Variants in ADAMTS3 observed in about 807,000 individuals in gnomAD.
The protein encoded by ADAMTS3 is ADAM metallopeptidase with thrombospondin type 1 motif 3.
A neutral mutation model predicts 129.0 loss-of-function variants in ADAMTS3; 73 were observed. The ratio of observed to expected loss-of-function variants is 0.57; its 90% CI spans 0.47 to 0.69. The LOEUF is 0.69. Among genes scored for constraint, ADAMTS3 ranks in the 30% least tolerant of loss-of-function variants. The pLI is 0.00. For synonymous variants in ADAMTS3, 477 were observed against 510.8 expected (o/e 0.93, Z 0.89); for missense variants, 1,457 against 1,514.5 (o/e 0.96, Z 0.63).
At chr4:72,519,271 T>G (rs1720589229) in intron 3 of ADAMTS3, among the ~76,000 whole-genome samples, 1 of 152,236 alleles carries the variant, frequency 6.6e-6, no homozygotes, top group Non-Finnish European at 1.5e-5. Context: ...GCCCTTAACA[T>G]TTTTTCCTTC....
At chr4:72,520,250 T>A (rs566407988) in intron 3 of ADAMTS3, among the ~76,000 whole-genome samples, 1,543 of 151,422 alleles carry the variant, frequency 0.01, 16 homozygotes, top group South Asian at 0.032. Context: ...CTGCCCCTAC[T>A]GGGGGGTGCC....
intron 3 of ADAMTS3, among the ~76,000 whole-genome samples, chr4:72,533,881 C>T (rs962829123): frequency 1.2e-4 from 18 of 152,090 alleles, no homozygotes; most frequent in African/African-American, 4.3e-4. Context: ...TATATCTCAG[C>T]ATTTGAAATA....
intron 3 of ADAMTS3, among the ~76,000 whole-genome samples, chr4:72,475,575 C>T (rs1719206221): frequency 6.6e-6 from 1 of 151,914 alleles, no homozygotes; most frequent in Non-Finnish European, 1.5e-5. Context: ...GAGTCTTTAA[C>T]ATGACCTTTG....
At chr4:72,319,682 G>A (rs1254310219) in intron 8 of ADAMTS3, among the ~76,000 whole-genome samples, 176 bp downstream of exon 8, 2 of 152,188 alleles carry the variant, frequency 1.3e-5, no homozygotes. Flanking sequence ...GCCTCTGCAA[G>A]CCAGTCACTC....
At chr4:72,479,225 C>G (rs1410675429) in intron 3 of ADAMTS3, among the ~76,000 whole-genome samples, 1 of 152,052 alleles carries the variant, frequency 6.6e-6, no homozygotes, top group Non-Finnish European at 1.5e-5. Context: ...AAAAAGAGCC[C>G]GCATTGCCAA....
At chr4:72,455,999 T>TTTATATAGTATATATACTATA (rs1718572860) in intron 3 of ADAMTS3, among the ~76,000 whole-genome samples, 1 of 35,576 alleles carries the variant, frequency 2.8e-5, no homozygotes, top group African/African-American at 1.0e-4. Context: ...TATATATATT[T>TTTATATAGTATATATACTATA]TACATATAGT....
intron 4 of ADAMTS3, among the ~76,000 whole-genome samples, chr4:72,351,930 T>C (rs1437547070): frequency 6.6e-6 from 1 of 151,870 alleles, no homozygotes; most frequent in Non-Finnish European, 1.5e-5. Context: ...ATAAATTTTA[T>C]AAATTAGCGT....
At chr4:72,555,588 T>C (rs1244810788) in intron 2 of ADAMTS3, among the ~76,000 whole-genome samples, 1 of 151,900 alleles carries the variant, frequency 6.6e-6, no homozygotes, top group Non-Finnish European at 1.5e-5. Context: ...TAAAAATCTC[T>C]CTGGGAGAAG....
At chr4:72,547,270 T>C (rs1221919901) in intron 3 of ADAMTS3, among the ~76,000 whole-genome samples, 2 of 152,160 alleles carry the variant, frequency 1.3e-5, no homozygotes, top group Admixed American at 6.6e-5. Context: ...TCATACATGA[T>C]AATATTGACT....
chr4:72,303,193 C>G (rs900218111), intron 17 of ADAMTS3, among the ~76,000 whole-genome samples: 1 of 152,148 alleles, frequency 6.6e-6, no homozygotes, highest in Admixed American at 6.6e-5. Flanking sequence ...TAAACCACCT[C>G]AGATTCCCCT....
rs776154299 is a variant in ADAMTS3, at chr4:72,476,425, T to G, written c.505-61454A>C. ...CTACCACAACTCATCTAACATGAAA[T>G]AGATAATTTAAACATCCTTGTAACC... On this transcript the variant is annotated intron_variant, in intron 3 of 21. Coordinates refer to ENST00000286657, the MANE Select transcript of ADAMTS3 (RefSeq NM_014243.3). Among the ~76,000 whole-genome samples the G allele has an allele frequency of 6.3e-4, 96 of 152,048 alleles. 2 individuals carry two copies. The highest frequency in any genetic ancestry group is 2.8e-4 in the Non-Finnish European group (19 of 67,966).
intron 4 of ADAMTS3, among the ~76,000 whole-genome samples, chr4:72,413,904 ATCTTAAATTGCACT>A (rs1722241378): frequency 6.8e-6 from 1 of 147,108 alleles, no homozygotes; most frequent in South Asian, 2.2e-4. Flanking sequence ...CTTTAAAGTT[ATCTTAAATTGCACT>A]ATTCTGTTCA....
At chr4:72,402,998 T>C (rs1178122165) in intron 4 of ADAMTS3, among the ~76,000 whole-genome samples, 1 of 152,134 alleles carries the variant, frequency 6.6e-6, no homozygotes, top group African/African-American at 2.4e-5. Context: ...GACTGAACAC[T>C]GAGCACTTAT....
At chr4:72,545,786 C>T (rs1171336074) in intron 3 of ADAMTS3, among the ~76,000 whole-genome samples, 1 of 152,188 alleles carries the variant, frequency 6.6e-6, no homozygotes, top group Non-Finnish European at 1.5e-5. Context: ...ACATCGAGTT[C>T]TCTCATTACA....
intron 7 of ADAMTS3, 64 bp from the exon 8 acceptor site, chr4:72,320,027 G>A: frequency 1.4e-6 from 2 of 1,401,032 alleles, no homozygotes; most frequent in South Asian, 1.2e-5. Context: ...AATTACAACT[G>A]GACTTTTGCC....
At chr4:72,527,761 T>G (rs1394574168) in intron 3 of ADAMTS3, among the ~76,000 whole-genome samples, 2 of 152,102 alleles carry the variant, frequency 1.3e-5, no homozygotes, top group South Asian at 2.1e-4. Context: ...GAAGAAACTT[T>G]AAAAGAAGCA....
chr4:72,426,056 G>GT, intron 3 of ADAMTS3, among the ~76,000 whole-genome samples: 1 of 152,232 alleles, frequency 6.6e-6, no homozygotes, highest in South Asian at 2.1e-4. Flanking sequence ...TCTCACTGTG[G>GT]TTTTGATTTG....
chr4:72,424,371 G>T (rs139451524), intron 3 of ADAMTS3, among the ~76,000 whole-genome samples: 2,739 of 152,126 alleles, frequency 0.018, 309 homozygotes, highest in Admixed American at 0.17. Flanking sequence ...CTGCTGCCTG[G>T]TTCTTATCAA....
chr4:72,306,210 T>C (rs559210295), intron 15 of ADAMTS3, 143 bp from the exon 16 acceptor site: 1 of 566,362 alleles, frequency 1.8e-6, no homozygotes, highest in African/African-American at 1.9e-5. Flanking sequence ...GGAAATTAAC[T>C]TCAAAGCATT....
Sources: allele counts gnomAD v4.1 joint callset (sites outside exome capture counted in the v4.1 genomes callset), GRCh38; gene constraint gnomAD v4.1.1; transcripts MANE v1.5; gene names NCBI Gene and HGNC (gene_info 2026-07-23, HGNC 2026-07-21).